ACSM2A: variants seen among roughly 807,000 people sequenced by gnomAD.
The protein encoded by ACSM2A is acyl-CoA synthetase medium chain family member 2A, also known as acyl-coenzyme A synthetase ACSM2A, mitochondrial.
Under a neutral mutation model 76.6 loss-of-function variants are expected in ACSM2A, and 72 were observed. The ratio of observed to expected loss-of-function variants is 0.94; its 90% confidence interval spans 0.78 to 1.14. ACSM2A has a LOEUF of 1.14. ACSM2A is among the 50% of genes most tolerant of loss of function. The pLI is 0.00. For missense variants in ACSM2A, 684 were observed against 708.5 expected, an observed-to-expected ratio of 0.97 and a Z score of 0.39; for synonymous variants, 249 against 255.9, an observed-to-expected ratio of 0.97 and a Z score of 0.26.
At chr16:20,479,783 G>T (rs2013980161) in intron 10 of ACSM2A, among the ~76,000 whole-genome samples, 1 of 152,154 alleles carries the variant, frequency 6.6e-6, no homozygotes, top group Non-Finnish European at 1.5e-5. Flanking sequence ...GACTCCTAAG[G>T]CCACAGAGGC....
chr16:20,479,658 C>T (rs2013972021), intron 10 of ACSM2A, among the ~76,000 whole-genome samples: 1 of 152,192 alleles, frequency 6.6e-6, no homozygotes, highest in Admixed American at 6.5e-5. Flanking sequence ...TCCCCTTCTC[C>T]AAGCATTTCC....
intron 1 of ACSM2A, among the ~76,000 whole-genome samples, chr16:20,459,674 G>C (rs1484195826): frequency 6.6e-6 from 1 of 152,154 alleles, no homozygotes; most frequent in Non-Finnish European, 1.5e-5. Flanking sequence ...TATCTCATGA[G>C]CAAGCCAAAG....
intron 2 of ACSM2A, among the ~76,000 whole-genome samples, chr16:20,464,080 G>A (rs1426928184): frequency 2.0e-5 from 3 of 152,166 alleles, no homozygotes; most frequent in Admixed American, 2.0e-4. Context: ...TTCCCGAAAA[G>A]TTCCTTATTT....
At chr16:20,460,058 A>T (rs2012513194) in intron 1 of ACSM2A, 49 bp from the exon 2 acceptor site, 1 of 1,546,350 alleles carries the variant, frequency 6.5e-7, no homozygotes. Flanking sequence ...TGATCAGTAG[A>T]GCAATCTGTT....
chr16:20,458,909 T>TGC (rs2012406759), intron 1 of ACSM2A, among the ~76,000 whole-genome samples: 43 of 56,690 alleles, frequency 7.6e-4, no homozygotes, highest in African/African-American at 4.4e-3. Flanking sequence ...TATATGCATA[T>TGC]ATATATATAT....
intron 5 of ACSM2A, 107 bp downstream of exon 5, chr16:20,471,323 T>C: frequency 1.3e-6 from 2 of 1,523,374 alleles, no homozygotes; most frequent in South Asian, 1.3e-5. Context: ...TCCCACCTTC[T>C]GAACATTCAT....
intron 13 of ACSM2A, among the ~76,000 whole-genome samples, chr16:20,485,931 T>C (rs2014361936): frequency 2.0e-5 from 3 of 152,222 alleles, no homozygotes; most frequent in African/African-American, 4.8e-5. Flanking sequence ...ATATAAGAGA[T>C]AGAGGATCCT....
Position 20,483,061 on chromosome 16 carries a change from G to A in ACSM2A, c.1513G>A (p.Val505Met). The change falls in exon 13 of 14, where the codon GTG becomes ATG. Residue 505 changes from valine to methionine, a missense_variant. By Grantham distance (21) the Val-to-Met change is conservative. Transcript: ENST00000573854. The stretch of plus-strand genomic sequence containing the variant: ...CTGGCCTTCATCTTTTTTGCAGGTG[G>A]TGAAGGCATTTGTGGTCCTGGCCTC... The part of the protein sequence containing the change: ...SSPDPVRGEV[V>M]KAFVVLASQF... 1.9e-6 allele frequency: 3 copies of A among 1,613,596 alleles called. No homozygotes were observed. Among genetic ancestry groups the A allele is most frequent in the Non-Finnish European group, 2.5e-6 (3 of 1,179,756 alleles).
chr16:20,454,624 A>G (rs974792023), intron 1 of ACSM2A, among the ~76,000 whole-genome samples: 1 of 152,012 alleles, frequency 6.6e-6, no homozygotes, highest in African/African-American at 2.4e-5. Flanking sequence ...GTACTACATC[A>G]GGGGAACATC....
intron 6 of ACSM2A, among the ~76,000 whole-genome samples, chr16:20,474,839 G>A (rs1596666080): frequency 6.6e-6 from 1 of 152,160 alleles, no homozygotes; most frequent in Non-Finnish European, 1.5e-5. Flanking sequence ...TTCAGTACTA[G>A]GTCTTTTTGC....
At chr16:20,480,545 A>G in intron 10 of ACSM2A, 28 bp from the exon 11 acceptor site, 3 of 1,608,942 alleles carry the variant, frequency 1.9e-6, no homozygotes, top group Non-Finnish European at 2.5e-6. Flanking sequence ...TTGCAGGCAC[A>G]ATGACTCTGT....
intron 12 of ACSM2A, 112 bp from the exon 13 acceptor site, chr16:20,482,946 G>A (rs367747504): frequency 1.3e-6 from 2 of 1,492,592 alleles, no homozygotes; most frequent in Non-Finnish European, 1.8e-6. Context: ...ATCACCGGGG[G>A]TGCAAATGAG....
Position 20,482,893 on chromosome 16 carries a change from A to T in ACSM2A, c.1510-165A>T, listed in dbSNP as rs533891391. On this transcript the variant is annotated intron_variant, in intron 12 of 13. Coordinates refer to ENST00000573854, the MANE Select transcript of ACSM2A (RefSeq NM_001308172.2). Reference sequence around the variant, plus strand: ...ATAAATGACTTCAGAGAGAGCTGTAACCTCATTCATGTCCCCAGTTTTCTC... The same window carrying T: ...ATAAATGACTTCAGAGAGAGCTGTATCCTCATTCATGTCCCCAGTTTTCTC... 5.4e-5 allele frequency: 62 copies of T among 1,152,000 alleles called. No individual in the cohort carries two copies. The African/African-American group carries it at 7.8e-4, about 14-fold the overall frequency. The allele number at this position is 1,152,000 out of a possible 1,614,324, so 71.4% of individuals were successfully genotyped here. A position where few individuals can be genotyped will look rare whatever the true frequency, so the allele number is the denominator to read the frequency against.
At chr16:20,483,398 CA>C (rs1190757903) in intron 13 of ACSM2A, among the ~76,000 whole-genome samples, 1 of 150,492 alleles carries the variant, frequency 6.6e-6, no homozygotes, top group Non-Finnish European at 1.5e-5. Context: ...GGTGAAACCC[CA>C]TCTCTACCCA....
chr16:20,480,935 A>G lies in ACSM2A; in HGVS notation c.1509+14A>G, dbSNP rs2014047646. The G allele has an allele frequency of 1.9e-6, 3 of 1,613,726 alleles. No individual in the cohort carries two copies. Among genetic ancestry groups the G allele is most frequent in the African/African-American group, 2.7e-5 (2 of 74,858 alleles). ...GTCCGAGGAGAGGTGATGGGGAAGC[A>G]GTAGCCTGGGGGTGAACACATATGA... On this transcript the variant is annotated intron_variant, in intron 12 of 13. Coordinates refer to ENST00000573854, the MANE Select transcript of ACSM2A (RefSeq NM_001308172.2).
At chr16:20,460,424 G>C in intron 2 of ACSM2A, 133 bp downstream of exon 2, 1 of 1,467,278 alleles carries the variant, frequency 6.8e-7, no homozygotes, top group Non-Finnish European at 9.1e-7. Flanking sequence ...CAAGACACTC[G>C]TCTTCCATGA....
At chr16:20,467,326 T>C (rs538897619) in intron 3 of ACSM2A, among the ~76,000 whole-genome samples, 18 of 151,752 alleles carry the variant, frequency 1.2e-4, no homozygotes, top group Admixed American at 1.1e-3. Flanking sequence ...GGGAAATGAT[T>C]GATGGATTGA....
intron 3 of ACSM2A, among the ~76,000 whole-genome samples, chr16:20,466,022 A>G (rs1166175622): frequency 6.6e-6 from 1 of 152,170 alleles, no homozygotes; most frequent in Non-Finnish European, 1.5e-5. Context: ...AATTATGATA[A>G]TTGGTATGAG....
chr16:20,454,291 A>G (rs1023009517), intron 1 of ACSM2A, among the ~76,000 whole-genome samples: 3 of 151,318 alleles, frequency 2.0e-5, no homozygotes, highest in Non-Finnish European at 4.4e-5. Flanking sequence ...TTCCCCTGAT[A>G]GATTGGAAAA....
Sources: gnomAD v4.1 joint callset for allele counts (sites outside exome capture counted in the v4.1 genomes callset) on GRCh38, gnomAD v4.1.1 for gene constraint, MANE v1.5 for transcripts, NCBI Gene and HGNC (gene_info 2026-07-23, HGNC 2026-07-21) for gene names.